The following SMARCE1 variants were observed in gnomAD, a reference collection of about 807,000 sequenced individuals.
The protein encoded by SMARCE1 is SWI/SNF related BAF chromatin remodeling complex subunit E1, also known as SWI/SNF-related matrix-associated actin-dependent regulator of chromatin subfamily E member 1.
Under a neutral mutation model 54.9 loss-of-function variants are expected in SMARCE1, and 13 were observed. The ratio of observed to expected loss-of-function variants is 0.24; its 90% CI spans 0.15 to 0.38. The LOEUF is 0.38. Ranked by LOEUF, SMARCE1 falls within the 10% of genes least tolerant of loss-of-function variation. SMARCE1 has a pLI of 1.00. For missense variants in SMARCE1, 295 were observed against 523.8 expected, an observed-to-expected ratio of 0.56 and a Z score of 4.26; for synonymous variants, 151 against 175.3, an observed-to-expected ratio of 0.86 and a Z score of 1.10.
chr17:40,630,516 G>T (rs935217372), intron 10 of SMARCE1, 198 bp downstream of exon 10: 2 of 631,406 alleles, frequency 3.2e-6, no homozygotes, highest in South Asian at 1.9e-5. Context: ...TAATCTTAAC[G>T]GTAATAACCA....
In SMARCE1 at chr17:40,625,541, G is replaced by A. The variant is rs1261450034; in HGVS notation, c.*3244C>T. 1 of 150,582 alleles carries A rather than the reference G, an allele frequency of 6.6e-6. No individual in the cohort carries two copies. Among genetic ancestry groups the A allele is most frequent in the Non-Finnish European group, 1.5e-5 (1 of 67,862 alleles). 9.3% of individuals were successfully genotyped at this position (150,582 alleles called of 1,614,324 possible). On this transcript the variant is annotated 3_prime_UTR_variant, in exon 11 of 11. Transcript: ENST00000348513. ...GGTGGAGGGAAACTATTTCTGAAAT[G>A]AGGACTTAAAGTATAATACCAGCTT...
chr17:40,631,084 T>G lies in SMARCE1; in HGVS notation c.817-160A>C, dbSNP rs1045245021. 4 of 595,480 alleles carry G rather than the reference T, an allele frequency of 6.7e-6. No individual in the cohort carries two copies. The African/African-American group carries it at 7.5e-5, about 11-fold the overall frequency. 36.9% of individuals were successfully genotyped at this position (595,480 alleles called of 1,614,324 possible). A position where few individuals can be genotyped will look rare whatever the true frequency, so the allele number is the denominator to read the frequency against. Reference sequence around the variant, plus strand: ...TGCCAAAAAAATGTGGTTCTAGGTCTTCTCTGAAACTCTTGGGTCTACAAG... The same window carrying G: ...TGCCAAAAAAATGTGGTTCTAGGTCGTCTCTGAAACTCTTGGGTCTACAAG... On this transcript the variant is annotated intron_variant, in intron 9 of 10. Coordinates refer to ENST00000348513, the MANE Select transcript of SMARCE1 (RefSeq NM_003079.5).
At chr17:40,631,322 T>C (rs1389272633) in intron 9 of SMARCE1, 2 of 343,286 alleles carry the variant, frequency 5.8e-6, no homozygotes, top group Non-Finnish European at 1.0e-5. Context: ...AAGTAATTAA[T>C]GACTGTATGG....
At position 40,632,303 on chromosome 17, in the gene SMARCE1, G is replaced by C. The variant is rs1243737488; in HGVS notation, c.606C>G (p.Leu202=). ...CACTCTCACTAAGAATTTCACTGAT[G>C]AGGCGGTGGTTTCTCTGGAAACGGG... is the stretch of plus-strand genomic sequence containing the variant. ...ATARFQRNHR[L]ISEILSESVV... The change falls in exon 8 of 11, where the codon CTC becomes CTG. Residue 202 remains leucine (L), a synonymous_variant. Coordinates refer to ENST00000348513, the MANE Select transcript of SMARCE1 (RefSeq NM_003079.5). The C allele has an allele frequency of 1.2e-6, 2 of 1,613,918 alleles. No individual in the cohort carries two copies. Among genetic ancestry groups the C allele is most frequent in the Admixed American group, 1.7e-5 (1 of 59,998 alleles).
intron 9 of SMARCE1, 121 bp from the exon 10 acceptor site, chr17:40,631,045 T>C (rs2143985641): frequency 3.4e-6 from 2 of 581,314 alleles, no homozygotes. Flanking sequence ...TACACCTGTA[T>C]GTGTGTGTGT....
Position 40,642,621 on chromosome 17 carries a change from G to A in SMARCE1, c.52-62C>T. The A allele has an allele frequency of 9.5e-7, 1 of 1,057,642 alleles. No homozygotes were observed. Among genetic ancestry groups the A allele is most frequent in the South Asian group, 1.3e-5 (1 of 75,440 alleles). The allele number at this position is 1,057,642 out of a possible 1,614,324, so 65.5% of individuals were successfully genotyped here. A position where few individuals can be genotyped will look rare whatever the true frequency, so the allele number is the denominator to read the frequency against. ...AATGAGCTCAAACGAGGAAAACACA[G>A]AAATGAAAAATGATCTGCATATGGC... On this transcript the variant is annotated intron_variant, in intron 3 of 10. Transcript: ENST00000348513. The surrounding 1 kb of genome is among the most constrained non-coding windows in gnomAD (Gnocchi z 4.6).
intron 4 of SMARCE1, among the ~76,000 whole-genome samples, chr17:40,639,099 A>G (rs1490865342): frequency 6.6e-6 from 1 of 152,124 alleles, no homozygotes; most frequent in Admixed American, 6.6e-5. Flanking sequence ...GTAGACAGAC[A>G]CTGTTTTTGG....
chr17:40,637,669 C>T, intron 4 of SMARCE1, 97 bp from the exon 5 acceptor site: 1 of 839,898 alleles, frequency 1.2e-6, no homozygotes, highest in Non-Finnish European at 2.0e-6. Flanking sequence ...CGCCTTTCTT[C>T]TATTCGTCCA....
Position 40,642,139 on chromosome 17 carries a change from C to CT in SMARCE1, c.156+315dup. On this transcript the variant is annotated intron_variant, in intron 4 of 10. Transcript: ENST00000348513. This position sits in a 1 kb window ranked among gnomAD's most constrained non-coding sequence, Gnocchi z 4.6. Reference sequence around the variant, plus strand: ...TCACCTTATAAAAATGAAAAATACTCTTTATGTCAAAAAGGATATTTTTAC... The same window carrying CT: ...TCACCTTATAAAAATGAAAAATACTCTTTTATGTCAAAAAGGATATTTTTAC... 2 of 500,318 alleles carry CT rather than the reference C, an allele frequency of 4.0e-6. No homozygotes were observed. Among genetic ancestry groups the CT allele is most frequent in the Non-Finnish European group, 6.9e-6 (2 of 287,930 alleles). 31.0% of individuals were successfully genotyped at this position (500,318 alleles called of 1,614,324 possible).
Position 40,642,863 on chromosome 17 carries a change from C to G in SMARCE1, c.52-304G>C, listed in dbSNP as rs1023193139. 2 of 303,234 alleles carry G rather than the reference C, an allele frequency of 6.6e-6. No homozygotes were observed. Among genetic ancestry groups the G allele is most frequent in the Non-Finnish European group, 1.2e-5 (2 of 165,820 alleles). 18.8% of individuals were successfully genotyped at this position (303,234 alleles called of 1,614,324 possible). ...AAGCAACACACTGAAGTGTTTAAAACATTCAGGATTACTTTATGGTCAACA... is the reference window on the plus strand; with the variant it reads ...AAGCAACACACTGAAGTGTTTAAAAGATTCAGGATTACTTTATGGTCAACA... On this transcript the variant is annotated intron_variant, in intron 3 of 10. Transcript: ENST00000348513. This position sits in a 1 kb window ranked among gnomAD's most constrained non-coding sequence, Gnocchi z 4.6.
Position 40,632,797 on chromosome 17 carries a change from T to A in SMARCE1, c.542-430A>T, listed in dbSNP as rs116081077. ...CAGTGACTTTGTCACTTGTAGCACT[T>A]TAAAAATGAATGAAAATGCCCATTT... On this transcript the variant is annotated intron_variant, in intron 7 of 10. Coordinates refer to ENST00000348513, the MANE Select transcript of SMARCE1 (RefSeq NM_003079.5). The A allele has an allele frequency of 8.0e-3, 1,245 of 155,322 alleles. 9 individuals are homozygous for A. Among genetic ancestry groups the A allele is most frequent in the Middle Eastern group, 9.9e-3 (3 of 302 alleles). 9.6% of individuals were successfully genotyped at this position (155,322 alleles called of 1,614,324 possible). A position where few individuals can be genotyped will look rare whatever the true frequency, so the allele number is the denominator to read the frequency against.
intron 7 of SMARCE1, chr17:40,633,406 C>T (rs1382343633): frequency 6.6e-6 from 1 of 151,930 alleles, no homozygotes; most frequent in African/African-American, 2.4e-5. Context: ...ACAGCCTGTA[C>T]TATCGTTTAC....
In SMARCE1 at chr17:40,628,784, C is replaced by T; in HGVS notation, c.*1G>A. The stretch of plus-strand genomic sequence containing the variant: ...TTAGAACACACAAAACAAGGCAACA[C>T]TTATTCTTTTTTCTCATCTTCTGGT... On this transcript the variant is annotated 3_prime_UTR_variant, in exon 11 of 11. Transcript: ENST00000348513. 1.9e-6 allele frequency: 3 copies of T among 1,610,142 alleles called. No individual in the cohort carries two copies. The highest frequency in any genetic ancestry group is 2.2e-5 in the South Asian group (2 of 91,000).
intron 1 of SMARCE1, chr17:40,647,110 G>A (rs2037265734): frequency 6.6e-6 from 1 of 152,138 alleles, no homozygotes; most frequent in African/African-American, 2.4e-5. Context: ...ATTTAAGAGT[G>A]GGCTTGTACA....
rs2037060002 is a variant in SMARCE1, at chr17:40,628,804, T to G, written c.1217A>C (p.Glu406Ala). 1.9e-6 allele frequency: 3 copies of G among 1,613,284 alleles called. No homozygotes were observed. Among genetic ancestry groups the G allele is most frequent in the Non-Finnish European group, 2.5e-6 (3 of 1,179,354 alleles). ...CAACACTTATTCTTTTTTCTCATCTTCTGGTATGGGATCTGTTGGTGGCTC... is the reference window on the plus strand; with the variant it reads ...CAACACTTATTCTTTTTTCTCATCTGCTGGTATGGGATCTGTTGGTGGCTC... Reference protein sequence around the residue: ...VEEPPTDPIPEDEKKE With the variant: ...VEEPPTDPIPADEKKE The change falls in exon 11 of 11, where the codon GAA becomes GCA. Residue 406 changes from glutamate to alanine, a missense_variant. Glu to Ala is a moderately radical substitution (Grantham distance 107, BLOSUM62 -1). This residue lies in a region of SMARCE1 where 147 missense variants were observed against 161.4 expected (regional missense o/e 0.91). Transcript: ENST00000348513.
At position 40,628,954 on chromosome 17, in the gene SMARCE1, T is replaced by C. The variant is rs151220618; in HGVS notation, c.1067A>G (p.Asn356Ser). 13 of 1,613,746 alleles carry C rather than the reference T, an allele frequency of 8.1e-6. No homozygotes were observed. In the African/African-American group the frequency reaches 1.6e-4, roughly 20 times the overall value. ...HLEETTESQQ[N>S]GEEGTSTPED... is the part of the protein sequence containing the mutation. The stretch of plus-strand genomic sequence containing the variant: ...AGGAGTAGACGTGCCTTCTTCACCA[T>C]TCTGTTGGCTCTCTGTTGTTTCTTC... The change falls in exon 11 of 11, where the codon AAT becomes AGT. Residue 356 changes from asparagine (N) to serine (S), a missense_variant. Physicochemically the swap from Asn to Ser is conservative, Grantham distance 46. Around this residue, in one of 5 missense-constraint regions of SMARCE1, gnomAD observed 147 missense variants for 161.4 expected, o/e 0.91. Coordinates refer to ENST00000348513, the MANE Select transcript of SMARCE1 (RefSeq NM_003079.5).
intron 4 of SMARCE1, among the ~76,000 whole-genome samples, chr17:40,637,915 A>T (rs1390760483): frequency 6.6e-6 from 1 of 152,126 alleles, no homozygotes; most frequent in African/African-American, 2.4e-5. Context: ...ATTCTGCTCA[A>T]TTACCATTAC....
In SMARCE1 at chr17:40,626,388, T is replaced by C. The variant is rs1279013584; in HGVS notation, c.*2397A>G. 6.6e-6 allele frequency: 1 copy of C among 152,232 alleles called. No individual in the cohort carries two copies. The highest frequency in any genetic ancestry group is 1.9e-4 in the East Asian group (1 of 5,202). 9.4% of individuals were successfully genotyped at this position (152,232 alleles called of 1,614,324 possible). A position where few individuals can be genotyped will look rare whatever the true frequency, so the allele number is the denominator to read the frequency against. On this transcript the variant is annotated 3_prime_UTR_variant, in exon 11 of 11. Coordinates refer to ENST00000348513, the MANE Select transcript of SMARCE1 (RefSeq NM_003079.5). ...CAAGAAAGAGCAGTTTGATCTATTT[T>C]ATAATTAAAACAGGCTCGAGTTCAA...
intron 7 of SMARCE1, chr17:40,634,946 A>G (rs2037131169): frequency 6.6e-6 from 1 of 152,076 alleles, no homozygotes; most frequent in Non-Finnish European, 1.5e-5. Flanking sequence ...TCTATTCCAT[A>G]TTCTATTCTC....
Sources: allele counts gnomAD v4.1 joint callset (sites outside exome capture counted in the v4.1 genomes callset), GRCh38; gene constraint gnomAD v4.1.1; regional missense constraint gnomAD v4.1.1; non-coding constraint Gnocchi (gnomAD v3.1); transcripts MANE v1.5; gene names NCBI Gene and HGNC (gene_info 2026-07-23, HGNC 2026-07-21).